ZNF91: variants seen among roughly 807,000 people sequenced by gnomAD.
The protein encoded by ZNF91 is zinc finger protein 91.
In ZNF91, 7 loss-of-function variants were observed where a neutral mutation model predicts 12.6. The ratio of observed to expected loss-of-function variants is 0.55; its 90% confidence interval spans 0.31 to 1.04. The LOEUF is 1.04. Among genes scored for constraint, ZNF91 ranks in the 50% least tolerant of loss-of-function variants. The probability of loss-of-function intolerance (pLI) is 0.05; values close to 1 mark genes in which losing one functional copy is unlikely to be tolerated. For missense variants in ZNF91, 1,217 were observed against 1,385.4 expected (o/e 0.88, Z 1.93); for synonymous variants, 453 against 462.6 (o/e 0.98, Z 0.27).
upstream of ZNF91, among the ~76,000 whole-genome samples, chr19:23,311,227 C>T (rs1338018221): frequency 6.6e-6 from 1 of 152,100 alleles, no homozygotes; most frequent in Non-Finnish European, 1.5e-5. Context: ...TTCTCAACAT[C>T]TTGGACTCTG....
chr19:23,332,507 CCT>C (rs143096644), intron 1 of ZNF91, among the ~76,000 whole-genome samples: 3,389 of 152,186 alleles, frequency 0.022, 116 homozygotes, highest in African/African-American at 0.077. Flanking sequence ...GCTTCTGACC[CCT>C]GCCGGACTAC....
downstream of ZNF91, among the ~76,000 whole-genome samples, chr19:23,334,935 C>A (rs1967979521): frequency 6.6e-6 from 1 of 152,144 alleles, no homozygotes; most frequent in East Asian, 1.9e-4. Flanking sequence ...TAATGAGACG[C>A]CAGTTTTTCA....
At chr19:23,328,506 A>T (rs1458599380) in intron 1 of ZNF91, 1 of 152,188 alleles carries the variant, frequency 6.6e-6, no homozygotes, top group Non-Finnish European at 1.5e-5. Flanking sequence ...GAATGAGGTG[A>T]ATGACAGGAA....
chr19:23,381,609 C>T (rs1487817856), intron 1 of ZNF91, among the ~76,000 whole-genome samples: 3 of 152,020 alleles, frequency 2.0e-5, no homozygotes, highest in Non-Finnish European at 1.5e-5. Flanking sequence ...TACAGGCGTG[C>T]GCCACCATGC....
chr19:23,359,601 T>G lies in ZNF91; in HGVS notation c.3378A>C (p.Ile1126=), dbSNP rs201124990. ...KESSALTKHK[I]IHTGEKPYKC... is the part of the protein sequence containing the mutation. ...TGTAGGGTTTCTCTCCAGTGTGAAT[T>G]ATCTTATGTTTAGTAAGAGCTGAGG... The change falls in exon 4 of 4, where the codon ATA becomes ATC. Residue 1126 remains isoleucine (I), a synonymous_variant. Coordinates refer to ENST00000300619, the MANE Select transcript of ZNF91 (RefSeq NM_003430.4). 3.0e-4 allele frequency: 491 copies of G among 1,613,722 alleles called. 2 individuals carry two copies. The highest frequency in any genetic ancestry group is 1.3e-3 in the Middle Eastern group (8 of 6,058).
intron 1 of ZNF91, among the ~76,000 whole-genome samples, chr19:23,395,066 C>T (rs755607425): frequency 6.6e-6 from 1 of 152,152 alleles, no homozygotes; most frequent in Non-Finnish European, 1.5e-5. Context: ...CGCGGCGCTG[C>T]GGGAGCAGAG....
chr19:23,349,893 A>C (rs1968321955), intron 3 of ZNF91, among the ~76,000 whole-genome samples: 1 of 152,246 alleles, frequency 6.6e-6, no homozygotes, highest in Non-Finnish European at 1.5e-5. Context: ...AAAGATGGCA[A>C]CAGGATGAAT....
At chr19:23,309,506 G>A (rs1967439510) in intron 1 of ZNF91, among the ~76,000 whole-genome samples, 1 of 152,120 alleles carries the variant, frequency 6.6e-6, no homozygotes, top group African/African-American at 2.4e-5. Flanking sequence ...ACATATCCCT[G>A]GCTGAGAACC....
intron 1 of ZNF91, chr19:23,326,656 A>G (rs1293507602): frequency 2.4e-4 from 36 of 152,170 alleles, no homozygotes; most frequent in Non-Finnish European, 1.5e-5. Context: ...ATAAAAATGA[A>G]ATTTTTGAAG....
At chr19:23,364,119 G>C (rs1440546435) in intron 3 of ZNF91, among the ~76,000 whole-genome samples, 1 of 152,194 alleles carries the variant, frequency 6.6e-6, no homozygotes, top group East Asian at 1.9e-4. Flanking sequence ...AGGAGTTCAA[G>C]GCCAGCCTGG....
chr19:23,340,732 A>C (rs1968105485), intron 3 of ZNF91, among the ~76,000 whole-genome samples: 4 of 150,724 alleles, frequency 2.7e-5, no homozygotes, highest in Admixed American at 2.6e-4. Flanking sequence ...ACTATTATTA[A>C]ATTATTATTT....
At chr19:23,364,817 T>C (rs1968939418) in intron 3 of ZNF91, among the ~76,000 whole-genome samples, 1 of 152,132 alleles carries the variant, frequency 6.6e-6, no homozygotes, top group Non-Finnish European at 1.5e-5. Context: ...CGATAATATT[T>C]ATACAGGCAA....
chr19:23,363,165 G>C (rs1968880042), intron 3 of ZNF91, among the ~76,000 whole-genome samples: 1 of 152,202 alleles, frequency 6.6e-6, no homozygotes, highest in Non-Finnish European at 1.5e-5. Context: ...AGCTTTTCCT[G>C]CTTCCCATTA....
intron 1 of ZNF91, among the ~76,000 whole-genome samples, chr19:23,330,033 A>G (rs1967900079): frequency 6.6e-6 from 1 of 152,054 alleles, no homozygotes; most frequent in Non-Finnish European, 1.5e-5. Flanking sequence ...ATCTCACATA[A>G]AAGTTTTACT....
intron 2 of ZNF91, 66 bp downstream of exon 2, chr19:23,374,572 A>AG (rs1969429630): frequency 1.4e-6 from 2 of 1,417,442 alleles, no homozygotes; most frequent in Non-Finnish European, 1.9e-6. Context: ...AAAAAAAAAA[A>AG]AAAAAAAAGA....
At chr19:23,308,072 T>C (rs1221560208) in intron 2 of ZNF91, 1 of 152,178 alleles carries the variant, frequency 6.6e-6, no homozygotes, top group Non-Finnish European at 1.5e-5. Flanking sequence ...AATAGAAAAT[T>C]GTGATATATC....
chr19:23,381,830 G>A (rs1969727246), intron 1 of ZNF91, among the ~76,000 whole-genome samples: 1 of 151,954 alleles, frequency 6.6e-6, no homozygotes, highest in Admixed American at 6.6e-5. Flanking sequence ...GGATAATCAG[G>A]TTTCTGTCAA....
downstream of ZNF91, among the ~76,000 whole-genome samples, chr19:23,335,129 G>A (rs1032082869): frequency 2.0e-5 from 3 of 152,204 alleles, no homozygotes; most frequent in Non-Finnish European, 4.4e-5. Flanking sequence ...AGTAGAGGCT[G>A]CAGAGCAACA....
chr19:23,314,842 C>T (rs749043082), upstream of ZNF91, among the ~76,000 whole-genome samples: 1 of 152,182 alleles, frequency 6.6e-6, no homozygotes, highest in Non-Finnish European at 1.5e-5. Context: ...GGCACAGCAC[C>T]TAGGTGATGT....
Sources: allele counts gnomAD v4.1 joint callset (sites outside exome capture counted in the v4.1 genomes callset), GRCh38; gene constraint gnomAD v4.1.1; transcripts MANE v1.5; gene names NCBI Gene and HGNC (gene_info 2026-07-23, HGNC 2026-07-21).